Variants in RGS6 observed in about 807,000 individuals in gnomAD.
RGS6 encodes regulator of G protein signaling 6, also known as regulator of G-protein signaling 6.
RGS6 carries 30 observed loss-of-function variants against 78.5 expected under a neutral mutation model. That is an observed-to-expected ratio of 0.38 (90% confidence interval 0.29 to 0.52). RGS6 has a LOEUF of 0.52. Among genes scored for constraint, RGS6 ranks in the 20% least tolerant of loss-of-function variants. The pLI is 0.85. For missense variants in RGS6, 495 were observed against 609.7 expected, an observed-to-expected ratio of 0.81 and a Z score of 1.98; for synonymous variants, 206 against 206.0, an observed-to-expected ratio of 1.00 and a Z score of 0.00.
At chr14:72,333,554 T>G (rs2152594450) in intron 2 of RGS6, among the ~76,000 whole-genome samples, 1 of 152,358 alleles carries the variant, frequency 6.6e-6, no homozygotes, top group East Asian at 1.9e-4. Flanking sequence ...TTTACTCGGT[T>G]GGCACTTTCC....
At chr14:71,887,759 G>A in the RGS6 span, among the ~76,000 whole-genome samples, 1 of 152,106 alleles carries the variant, frequency 6.6e-6, no homozygotes, top group Non-Finnish European at 1.5e-5. Flanking sequence ...CCTTATCAGT[G>A]GTTCTGTTTT....
intron 2 of RGS6, among the ~76,000 whole-genome samples, chr14:72,169,741 G>A (rs189542274): frequency 6.6e-6 from 1 of 152,304 alleles, no homozygotes; most frequent in East Asian, 1.9e-4. Context: ...TGGGATGCTA[G>A]TGGAGGTGAT....
chr14:72,279,410 T>C (rs737499), intron 2 of RGS6, among the ~76,000 whole-genome samples: 92,714 of 151,874 alleles, frequency 0.61, 28,411 homozygotes, highest in Non-Finnish European at 0.64. Context: ...AGCAGATAAG[T>C]GACGAGGTAT....
rs544187542 is a variant in RGS6, at chr14:72,522,004, C to T, written c.1278+3467C>T. On this transcript the variant is annotated intron_variant, in intron 15 of 17. Coordinates refer to ENST00000553525, the MANE Select transcript of RGS6 (RefSeq NM_001204424.2). ...ACATAACCTTAGCACCCAGAGATAA[C>T]CCCTATTTTGGTGTATTTTCTTCCT... Among the ~76,000 whole-genome samples the T allele has an allele frequency of 3.3e-5, 5 of 152,300 alleles. No homozygotes were observed. The East Asian group carries it at 9.6e-4, about 29-fold the overall frequency.
At chr14:72,197,225 C>T (rs1369172631) in intron 2 of RGS6, among the ~76,000 whole-genome samples, 1 of 152,130 alleles carries the variant, frequency 6.6e-6, no homozygotes, top group East Asian at 1.9e-4. Context: ...GCCACCATGC[C>T]TGGCTGATTT....
intron 2 of RGS6, among the ~76,000 whole-genome samples, chr14:72,246,502 CT>C (rs1385642640): frequency 5.3e-5 from 8 of 152,062 alleles, no homozygotes; most frequent in Non-Finnish European, 1.2e-4. Flanking sequence ...ACTTTGTTTC[CT>C]TTTTTGTACT....
chr14:72,338,933 T>G (rs1387985687), intron 2 of RGS6, among the ~76,000 whole-genome samples: 1 of 152,224 alleles, frequency 6.6e-6, no homozygotes, highest in African/African-American at 2.4e-5. Context: ...CTGAGAGATT[T>G]TGCCTGCATG....
the RGS6 span, among the ~76,000 whole-genome samples, chr14:72,621,339 C>A: frequency 6.6e-6 from 1 of 152,140 alleles, no homozygotes; most frequent in East Asian, 1.9e-4. Context: ...TGATCTGGCC[C>A]CACCCCCTAG....
At chr14:72,090,870 G>A (rs545794631) in intron 2 of RGS6, among the ~76,000 whole-genome samples, 3 of 152,186 alleles carry the variant, frequency 2.0e-5, no homozygotes, top group South Asian at 2.1e-4. Flanking sequence ...TGGGGCACTC[G>A]GTGAAGGTCC....
At chr14:72,376,223 A>G (rs565851922) in intron 3 of RGS6, among the ~76,000 whole-genome samples, 5 of 152,328 alleles carry the variant, frequency 3.3e-5, no homozygotes, top group Admixed American at 6.5e-5. Flanking sequence ...AAAAAATACA[A>G]TTGAGAACTT....
At chr14:72,364,737 T>C (rs937955858) in intron 3 of RGS6, among the ~76,000 whole-genome samples, 1 of 152,178 alleles carries the variant, frequency 6.6e-6, no homozygotes, top group Non-Finnish European at 1.5e-5. Flanking sequence ...CTTTGCTAAA[T>C]AAACAGCAAG....
At chr14:71,882,109 C>A in the RGS6 span, among the ~76,000 whole-genome samples, 2 of 152,130 alleles carry the variant, frequency 1.3e-5, no homozygotes, top group Non-Finnish European at 2.9e-5. Context: ...GTTAATTTCC[C>A]CTCTCAGCTT....
At chr14:72,174,221 C>T (rs2097071193) in intron 2 of RGS6, among the ~76,000 whole-genome samples, 1 of 152,270 alleles carries the variant, frequency 6.6e-6, no homozygotes, top group Admixed American at 6.5e-5. Context: ...AATTCTCCTG[C>T]CTCAGCCTCC....
chr14:72,436,689 G>A (rs2094927707), intron 3 of RGS6, among the ~76,000 whole-genome samples: 1 of 152,156 alleles, frequency 6.6e-6, no homozygotes, highest in Non-Finnish European at 1.5e-5. Context: ...ATAGCAAATA[G>A]CAAGGTAACT....
intron 2 of RGS6, among the ~76,000 whole-genome samples, chr14:72,301,423 AT>A (rs923455542): frequency 4.3e-4 from 63 of 147,056 alleles, no homozygotes; most frequent in Admixed American, 4.1e-4. Context: ...CTCTTGAAGG[AT>A]TTTTTTTTTT....
intron 2 of RGS6, among the ~76,000 whole-genome samples, chr14:72,182,517 C>T (rs1035217980): frequency 6.6e-6 from 1 of 151,954 alleles, no homozygotes; most frequent in African/African-American, 2.4e-5. Flanking sequence ...GGTTGCACTC[C>T]TTGCACTCCG....
chr14:71,964,675 C>A (rs143079830), intron 1 of RGS6, 97 bp from the exon 2 acceptor site: 2 of 775,130 alleles, frequency 2.6e-6, no homozygotes, highest in South Asian at 1.9e-5. Context: ...TGTTTTTGTT[C>A]ATGGCATCTG....
At chr14:72,618,816 G>A in the RGS6 span, among the ~76,000 whole-genome samples, 1 of 152,176 alleles carries the variant, frequency 6.6e-6, no homozygotes, top group Non-Finnish European at 1.5e-5. Flanking sequence ...TGCCATAAAC[G>A]ACAACTTCTC....
chr14:72,468,151 TG>T (rs1197830834), intron 7 of RGS6, among the ~76,000 whole-genome samples: 1 of 152,134 alleles, frequency 6.6e-6, no homozygotes, highest in African/African-American at 2.4e-5. Context: ...ATCCCCAAGG[TG>T]GGCAGATCAC....
Sources: allele counts gnomAD v4.1 joint callset (sites outside exome capture counted in the v4.1 genomes callset), GRCh38; gene constraint gnomAD v4.1.1; transcripts MANE v1.5; gene names NCBI Gene and HGNC (gene_info 2026-07-23, HGNC 2026-07-21).